Variants in PPAN observed in about 807,000 individuals in gnomAD.
The protein encoded by PPAN is suppressor of SWI4 1 homolog.
In PPAN, 39 loss-of-function variants were observed where a neutral mutation model predicts 48.5. The observed-to-expected ratio is 0.80, with a 90% CI of 0.62 to 1.05. PPAN has a LOEUF of 1.05. Ranked by LOEUF, PPAN falls within the 50% of genes least tolerant of loss-of-function variation. The probability of loss-of-function intolerance (pLI) is 0.00; values close to 1 mark genes in which losing one functional copy is unlikely to be tolerated. For missense variants in PPAN, 736 were observed against 661.7 expected, an observed-to-expected ratio of 1.11 and a Z score of -1.23; for synonymous variants, 315 against 268.6, an observed-to-expected ratio of 1.17 and a Z score of -1.69.
intron 6 of PPAN, 85 bp downstream of exon 6, chr19:10,109,792 G>A (rs1340943015): frequency 2.5e-6 from 4 of 1,587,130 alleles, no homozygotes; most frequent in African/African-American, 1.3e-5. Flanking sequence ...CTGCTGAGAC[G>A]CTGTGATTGC....
chr19:10,106,423 G>A lies in PPAN; in HGVS notation c.18+11G>A, dbSNP rs145490435. On this transcript the variant is annotated intron_variant, in intron 1 of 11. Transcript: ENST00000253107. ...GGACAGTCAGGGAGGGTAAGGCCCG[G>A]CAGCTTGGGAGGCAGGTGGCGCAGG... 3,849 of 1,548,612 alleles carry A rather than the reference G, an allele frequency of 2.5e-3. 72 individuals carry two copies. The African/African-American group carries it at 0.045, about 18-fold the overall frequency.
At position 10,106,569 on chromosome 19, in the gene PPAN, G is replaced by C; in HGVS notation, c.87G>C (p.Pro29=). ...ACCTCGAGGCCTATGCCGCGAACCC[G>C]CACTCGTTCGTGTTCACGCGAGGCT... ...LRNLEAYAAN[P]HSFVFTRGCT... The change falls in exon 2 of 12, where the codon CCG becomes CCC. Residue 29 remains proline, a synonymous_variant. Coordinates refer to ENST00000253107, the MANE Select transcript of PPAN (RefSeq NM_020230.7). The C allele has an allele frequency of 6.4e-7, 1 of 1,552,862 alleles. No homozygotes were observed. Among genetic ancestry groups the C allele is most frequent in the Non-Finnish European group, 8.7e-7 (1 of 1,148,808 alleles).
Position 10,111,623 on chromosome 19 carries a change from T to G in PPAN, c.*458T>G. 6 of 1,498,754 alleles carry G rather than the reference T, an allele frequency of 4.0e-6. No homozygotes were observed. The Admixed American group carries it at 8.5e-5, about 21-fold the overall frequency. The allele number at this position is 1,498,754 out of a possible 1,614,324, so 92.8% of individuals were successfully genotyped here. A position where few individuals can be genotyped will look rare whatever the true frequency, so the allele number is the denominator to read the frequency against. On this transcript the variant is annotated 3_prime_UTR_variant, in exon 12 of 12. Coordinates refer to ENST00000253107, the MANE Select transcript of PPAN (RefSeq NM_020230.7). ...CTGCTCTGCTGGCTGGGCCAGTAAC[T>G]GGGGATGGGGCTGGGGCAGGGCCCA...
Position 10,106,503 on chromosome 19 carries a change from C to G in PPAN, c.21C>G (p.Ser7=). The change falls in exon 2 of 12, where the codon TCC becomes TCG. Residue 7 remains serine (S), a splice_region_variant and synonymous_variant. Coordinates refer to ENST00000253107, the MANE Select transcript of PPAN (RefSeq NM_020230.7). ...CCCTTTGTCTCTCGTCGCCGCAGTC[C>G]CGGCACCAGAAGCGCGCCCGCGCCC... MGQSGR[S]RHQKRARAQA... is the part of the protein sequence containing the mutation. 1 of 1,551,006 alleles carries G rather than the reference C, an allele frequency of 6.4e-7. No homozygotes were observed. The highest frequency in any genetic ancestry group is 8.7e-7 in the Non-Finnish European group (1 of 1,147,040).
At chr19:10,106,781 GA>G (rs1302370775) in intron 2 of PPAN, 110 bp downstream of exon 2, 11 of 1,416,866 alleles carry the variant, frequency 7.8e-6, no homozygotes, top group Non-Finnish European at 9.3e-6. Context: ...TCCCCAGCTG[GA>G]AAAAAAGACC....
upstream of PPAN, chr19:10,106,250 A>G (rs551378309): frequency 7.1e-7 from 1 of 1,408,380 alleles, no homozygotes; most frequent in South Asian, 1.4e-5. Context: ...GCTCCATCTG[A>G]TTGCCCCTCC....
In PPAN at chr19:10,110,241, AC is replaced by A; in HGVS notation, c.819del (p.Glu274ArgfsTer6). On this transcript the variant is annotated frameshift_variant, in exon 8 of 12. Transcript: ENST00000253107. LOFTEE classifies it high-confidence loss of function. This position sits in a 1 kb window ranked among gnomAD's most constrained non-coding sequence, Gnocchi z 5.9. ...MRAQQSAVRL[T>X]EIGPRMTLQL... Reference sequence around the variant, plus strand: ...GGCCCAGCAGAGTGCAGTGCGGCTCACCGAGGTGAGGCCCAGGGCAGGGGGA... The same window carrying A: ...GGCCCAGCAGAGTGCAGTGCGGCTCACGAGGTGAGGCCCAGGGCAGGGGGA... The A allele has an allele frequency of 6.2e-7, 1 of 1,611,670 alleles. No individual in the cohort carries two copies. Among genetic ancestry groups the A allele is most frequent in the Non-Finnish European group, 8.5e-7 (1 of 1,179,616 alleles).
At chr19:10,108,255 A>C (rs2088908421) in intron 5 of PPAN, 121 bp downstream of exon 5, 2 of 1,403,664 alleles carry the variant, frequency 1.4e-6, no homozygotes, top group Non-Finnish European at 1.9e-6. Context: ...GGGTCTGCTG[A>C]GTCCTGAGGT....
chr19:10,109,291 C>T (rs576382602), intron 5 of PPAN, among the ~76,000 whole-genome samples: 237 of 152,046 alleles, frequency 1.6e-3, no homozygotes, highest in Non-Finnish European at 2.9e-3. Flanking sequence ...ACGGGGTCTC[C>T]GTACGTTGGT....
chr19:10,110,727 AC>A lies in PPAN; in HGVS notation c.1063del (p.Arg355GlyfsTer158). On this transcript the variant is annotated frameshift_variant, in exon 11 of 12. Coordinates refer to ENST00000253107, the MANE Select transcript of PPAN (RefSeq NM_020230.7). LOFTEE classifies it high-confidence loss of function. The surrounding 1 kb of genome is among the most constrained non-coding windows in gnomAD (Gnocchi z 5.9). The stretch of plus-strand genomic sequence containing the variant: ...AGAGCCTGGAGGGCATGAAGAAGGC[AC>A]GGGTCGGGGGTAGTGATGAAGAGGC... ...KKSLEGMKKA[R>X]VGGSDEEASG... is the part of the protein sequence containing the mutation. 1 of 1,613,846 alleles carries A rather than the reference AC, an allele frequency of 6.2e-7. No homozygotes were observed. Among genetic ancestry groups the A allele is most frequent in the Non-Finnish European group, 8.5e-7 (1 of 1,179,962 alleles).
At position 10,106,681 on chromosome 19, in the gene PPAN, C is replaced by T. The variant is rs1355105548; in HGVS notation, c.189+10C>T. On this transcript the variant is annotated intron_variant, in intron 2 of 11. Coordinates refer to ENST00000253107, the MANE Select transcript of PPAN (RefSeq NM_020230.7). ...TGCCAGCCGTCTGCAGGTTTGTACC[C>T]CACCCCCAGCCCGCCTCCACCCACC... 6.6e-7 allele frequency: 1 copy of T among 1,518,678 alleles called. No homozygotes were observed. Among genetic ancestry groups the T allele is most frequent in the Admixed American group, 2.0e-5 (1 of 50,172 alleles). The allele number at this position is 1,518,678 out of a possible 1,614,324, so 94.1% of individuals were successfully genotyped here.
rs749628554 is a variant in PPAN at position 10,110,990 on chromosome 19, G to GGCGGAA, written c.1258_1263dup (p.Lys420_Arg421dup). ...CAGAAACGGCTTGCCAAGTCTCCAGGGCGGAAGCGGAAGCGGTGGGAAATG... is the reference window on the plus strand; with the variant it reads ...CAGAAACGGCTTGCCAAGTCTCCAGGGCGGAAGCGGAAGCGGAAGCGGTGGGAAATG... On this transcript the variant is annotated inframe_insertion, in exon 12 of 12. Transcript: ENST00000253107. This position sits in a 1 kb window ranked among gnomAD's most constrained non-coding sequence, Gnocchi z 5.9. 1.2e-6 allele frequency: 2 copies of GGCGGAA among 1,613,170 alleles called. No homozygotes were observed. Among genetic ancestry groups the GGCGGAA allele is most frequent in the African/African-American group, 1.3e-5 (1 of 74,892 alleles).
intron 5 of PPAN, among the ~76,000 whole-genome samples, chr19:10,109,330 C>T (rs574673183): frequency 6.6e-6 from 1 of 152,234 alleles, no homozygotes; most frequent in East Asian, 1.9e-4. Flanking sequence ...AGCAATCCTG[C>T]AGCCTCCGCT....
chr19:10,111,587 G>C lies in PPAN; in HGVS notation c.*422G>C. 9.1e-7 allele frequency: 1 copy of C among 1,097,382 alleles called. No individual in the cohort carries two copies. The highest frequency in any genetic ancestry group is 1.3e-5 in the South Asian group (1 of 76,526). The allele number at this position is 1,097,382 out of a possible 1,614,324, so 68.0% of individuals were successfully genotyped here. ...ATGAGGAAGGAAACGTGGGTGGAAA[G>C]GCACGCTGGCCTGCTCTGCTGGCTG... On this transcript the variant is annotated 3_prime_UTR_variant, in exon 12 of 12. Transcript: ENST00000253107.
chr19:10,107,869 G>GGT lies in PPAN; in HGVS notation c.342+17_342+18dup. 6.2e-7 allele frequency: 1 copy of GGT among 1,612,556 alleles called. No individual in the cohort carries two copies. Among genetic ancestry groups the GGT allele is most frequent in the Non-Finnish European group, 8.5e-7 (1 of 1,178,736 alleles). ...AGGTCAAGAAGGTGAGAGGGGTGGA[G>GGT]GTGGTACAAAGCCATGTGGGGTGGG... On this transcript the variant is annotated intron_variant, in intron 4 of 11. Transcript: ENST00000253107.
rs768658120 is a variant in PPAN, at chr19:10,111,879, A to C, written c.*714A>C. ...GTAATCCCAGCACTTTGGGAGGTCG[A>C]GGGGGGTGGAACACGAGGTCAGGGG... On this transcript the variant is annotated 3_prime_UTR_variant, in exon 12 of 12. Coordinates refer to ENST00000253107, the MANE Select transcript of PPAN (RefSeq NM_020230.7). 5 of 966,814 alleles carry C rather than the reference A, an allele frequency of 5.2e-6. No individual in the cohort carries two copies. Among genetic ancestry groups the C allele is most frequent in the Non-Finnish European group, 7.9e-6 (5 of 631,518 alleles). 59.9% of individuals were successfully genotyped at this position (966,814 alleles called of 1,614,324 possible). A position where few individuals can be genotyped will look rare whatever the true frequency, so the allele number is the denominator to read the frequency against.
rs1303137293 is a variant in PPAN, at chr19:10,108,114, C to T, written c.493C>T (p.Pro165Ser). The T allele has an allele frequency of 8.7e-6, 14 of 1,612,232 alleles. No individual in the cohort carries two copies. Among genetic ancestry groups the T allele is most frequent in the Admixed American group, 3.3e-5 (2 of 59,838 alleles). ...LMATMFQNLF[P>S]SINVHKVNLN... ...GGCCACCATGTTCCAGAACCTGTTC[C>T]CCTCCATCAACGTGCACAAGGTGGG... Residue 165 changes from proline to serine, a missense_variant, in exon 5 of 12, where the codon CCC becomes TCC. Coordinates refer to ENST00000253107, the MANE Select transcript of PPAN (RefSeq NM_020230.7).
intron 5 of PPAN, among the ~76,000 whole-genome samples, chr19:10,108,751 CAAA>C (rs565271742): frequency 1.1e-4 from 10 of 88,406 alleles, no homozygotes; most frequent in East Asian, 5.7e-4. Flanking sequence ...GACACTGTCT[CAAA>C]AAAAAAAAAA....
chr19:10,107,837 A>G lies in PPAN; in HGVS notation c.325A>G (p.Thr109Ala). 6.2e-7 allele frequency: 1 copy of G among 1,613,546 alleles called. No individual in the cohort carries two copies. Among genetic ancestry groups the G allele is most frequent in the Non-Finnish European group, 8.5e-7 (1 of 1,179,576 alleles). ...LMRLPGGPTL[T>A]FQVKKYSLVR... The stretch of plus-strand genomic sequence containing the variant: ...GCGCCTCCCAGGAGGCCCCACCTTG[A>G]CCTTCCAGGTCAAGAAGGTGAGAGG... Residue 109 changes from threonine to alanine, a missense_variant, in exon 4 of 12, where the codon ACC becomes GCC. By Grantham distance (58) the Thr-to-Ala change is moderately conservative. Coordinates refer to ENST00000253107, the MANE Select transcript of PPAN (RefSeq NM_020230.7).
Sources: gnomAD v4.1 joint callset for allele counts (sites outside exome capture counted in the v4.1 genomes callset) on GRCh38, gnomAD v4.1.1 for gene constraint, Gnocchi (gnomAD v3.1) non-coding constraint, MANE v1.5 for transcripts, NCBI Gene and HGNC (gene_info 2026-07-23, HGNC 2026-07-21) for gene names.